CDCP1: variants seen among roughly 807,000 people sequenced by gnomAD.
CDCP1 encodes the protein CUB domain containing protein 1.
A neutral mutation model predicts 60.2 loss-of-function variants in CDCP1; 29 were observed. The ratio of observed to expected loss-of-function variants is 0.48; its 90% CI spans 0.36 to 0.66. CDCP1 has a LOEUF of 0.66. Among genes scored for constraint, CDCP1 ranks in the 30% least tolerant of loss-of-function variants. The pLI, the probability that CDCP1 is intolerant of heterozygous loss-of-function variation, is 0.00. For missense variants in CDCP1, 876 were observed against 1,074.3 expected, an observed-to-expected ratio of 0.82 and a Z score of 2.58; for synonymous variants, 387 against 431.1, an observed-to-expected ratio of 0.90 and a Z score of 1.27.
intron 1 of CDCP1, among the ~76,000 whole-genome samples, chr3:45,135,171 G>A (rs1259470632): frequency 6.8e-6 from 1 of 147,154 alleles, no homozygotes; most frequent in Non-Finnish European, 1.5e-5. Context: ...TCAATGTTGG[G>A]ACCAGCCAGT....
chr3:45,132,518 G>A (rs952083416), intron 1 of CDCP1, among the ~76,000 whole-genome samples: 1 of 152,174 alleles, frequency 6.6e-6, no homozygotes, highest in Admixed American at 6.5e-5. Flanking sequence ...GGCAGCAGGA[G>A]AGGAGGTTCT....
rs1559399079 is a variant in CDCP1, at chr3:45,126,518, C to T, written c.83-7897G>A. ...AACTGGTTTAGACACTCAAAATCCA[C>T]GTGTCATTGACTTGGCCGGGTCCAT... On this transcript the variant is annotated intron_variant, in intron 1 of 8. Transcript: ENST00000296129. 3.9e-5 allele frequency among the ~76,000 whole-genome samples: 6 copies of T among 152,212 alleles called. No homozygotes were observed. In the South Asian group the frequency reaches 8.3e-4, roughly 21 times the overall value.
chr3:45,124,089 G>A (rs576324975), intron 1 of CDCP1, among the ~76,000 whole-genome samples: 6 of 152,088 alleles, frequency 3.9e-5, no homozygotes, highest in Non-Finnish European at 8.8e-5. Flanking sequence ...CAGGGTTGGG[G>A]GAAGAATTTC....
In CDCP1 at chr3:45,084,945, G is replaced by A. The variant is rs1373288216; in HGVS notation, c.*693C>T. On this transcript the variant is annotated 3_prime_UTR_variant, in exon 9 of 9. Transcript: ENST00000296129. ...TTCCACAATGGGATAACCACGAACC[G>A]ACCTAGAGAATCAGGAAGTCTCTTA... The A allele has an allele frequency of 1.3e-5, 2 of 152,716 alleles. No homozygotes were observed. Among genetic ancestry groups the A allele is most frequent in the Non-Finnish European group, 1.5e-5 (1 of 68,028 alleles). 9.5% of individuals were successfully genotyped at this position (152,716 alleles called of 1,614,324 possible).
chr3:45,118,118 G>C (rs923682928), intron 2 of CDCP1, among the ~76,000 whole-genome samples: 6 of 152,222 alleles, frequency 3.9e-5, no homozygotes, highest in Admixed American at 1.3e-4. Context: ...AGACTTGAAA[G>C]CCACAGTACC....
chr3:45,138,052 T>C (rs757702349), intron 1 of CDCP1, among the ~76,000 whole-genome samples: 15 of 152,162 alleles, frequency 9.9e-5, no homozygotes, highest in South Asian at 2.1e-4. Context: ...GTCATGAAGA[T>C]AGCTGCAATC....
rs1233025856 is a variant in CDCP1 at position 45,085,003 on chromosome 3, A to G, written c.*635T>C. The G allele has an allele frequency of 2.0e-5, 3 of 152,672 alleles. No homozygotes were observed. Among genetic ancestry groups the G allele is most frequent in the Non-Finnish European group, 4.4e-5 (3 of 68,148 alleles). The allele number at this position is 152,672 out of a possible 1,614,324, so 9.5% of individuals were successfully genotyped here. A position where few individuals can be genotyped will look rare whatever the true frequency, so the allele number is the denominator to read the frequency against. ...AGATATGTGTCAATGCTGCTCAAAC[A>G]CACACATTCTTTTCTGGTTGGACAG... On this transcript the variant is annotated 3_prime_UTR_variant, in exon 9 of 9. Coordinates refer to ENST00000296129, the MANE Select transcript of CDCP1 (RefSeq NM_022842.5). This position sits in a 1 kb window ranked among gnomAD's most constrained non-coding sequence, Gnocchi z 4.2.
intron 1 of CDCP1, among the ~76,000 whole-genome samples, chr3:45,129,613 C>T (rs1699053611): frequency 6.6e-6 from 1 of 152,124 alleles, no homozygotes; most frequent in Non-Finnish European, 1.5e-5. Flanking sequence ...ACAAGGATGG[C>T]TGGAGAAAAA....
At chr3:45,105,406 G>C (rs1371776299) in intron 4 of CDCP1, among the ~76,000 whole-genome samples, 1 of 152,170 alleles carries the variant, frequency 6.6e-6, no homozygotes, top group East Asian at 1.9e-4. Flanking sequence ...GCTTCTGGAG[G>C]TTGTAAAAGC....
intron 2 of CDCP1, among the ~76,000 whole-genome samples, chr3:45,117,251 A>C (rs777213922): frequency 2.0e-4 from 31 of 152,114 alleles, no homozygotes; most frequent in Admixed American, 2.0e-3. Flanking sequence ...ATGTTTCCCT[A>C]CCTAATTATT....
intron 1 of CDCP1, among the ~76,000 whole-genome samples, chr3:45,121,956 G>A (rs1698893984): frequency 7.1e-6 from 1 of 140,344 alleles, no homozygotes; most frequent in Non-Finnish European, 1.6e-5. Flanking sequence ...TATTTTGGGG[G>A]AAGCCTAGGT....
rs1576070616 is a variant in CDCP1 at position 45,084,826 on chromosome 3, C to G, written c.*812G>C. 6.6e-6 allele frequency: 1 copy of G among 152,578 alleles called. No homozygotes were observed. The highest frequency in any genetic ancestry group is 1.5e-5 in the Non-Finnish European group (1 of 68,036). The allele number at this position is 152,578 out of a possible 1,614,324, so 9.5% of individuals were successfully genotyped here. On this transcript the variant is annotated 3_prime_UTR_variant, in exon 9 of 9. Coordinates refer to ENST00000296129, the MANE Select transcript of CDCP1 (RefSeq NM_022842.5). ...ATTCTCTAAATTTCTCTTTAAATGT[C>G]AAAGTATTGCTGCAGCTAGGAGAAC...
intron 4 of CDCP1, 124 bp downstream of exon 4, chr3:45,110,349 C>T (rs924984029): frequency 6.8e-7 from 1 of 1,465,262 alleles, no homozygotes; most frequent in African/African-American, 1.4e-5. Flanking sequence ...CTTGCTGGGT[C>T]CAGAGTCTAA....
rs1559772339 is a variant in CDCP1, at chr3:45,085,723, GAGA to G, written c.2423_2425del (p.Phe808del). ...GCTTACATCCCCATTGTTGGGATGGGAGAAGGTGTACGGTTCACTCTCAGACTC... is the reference window on the plus strand; with the variant it reads ...GCTTACATCCCCATTGTTGGGATGGGAGGTGTACGGTTCACTCTCAGACTC... On this transcript the variant is annotated inframe_deletion, in exon 9 of 9. Coordinates refer to ENST00000296129, the MANE Select transcript of CDCP1 (RefSeq NM_022842.5). This position sits in a 1 kb window ranked among gnomAD's most constrained non-coding sequence, Gnocchi z 4.2. 6.2e-7 allele frequency: 1 copy of G among 1,614,180 alleles called. No individual in the cohort carries two copies. The highest frequency in any genetic ancestry group is 1.1e-5 in the South Asian group (1 of 91,084).
At chr3:45,108,888 CAT>C (rs369846391) in intron 4 of CDCP1, among the ~76,000 whole-genome samples, 1,330 of 32,446 alleles carry the variant, frequency 0.041, 405 homozygotes, top group African/African-American at 0.13. Context: ...TGCATGTATA[CAT>C]ATATATATAT....
At position 45,125,297 on chromosome 3, in the gene CDCP1, G is replaced by C. The variant is rs552360823; in HGVS notation, c.83-6676C>G. Among the ~76,000 whole-genome samples the C allele has an allele frequency of 2.3e-3, 344 of 152,300 alleles. 1 individual carries two copies. The highest frequency in any genetic ancestry group is 4.3e-3 in the Non-Finnish European group (293 of 68,030). On this transcript the variant is annotated intron_variant, in intron 1 of 8. Transcript: ENST00000296129. ...AAAGGGCTTGGTTGTTGGCCACGGA[G>C]TTTGGGCTTCACCCACTGGGACCAG... is the stretch of plus-strand genomic sequence containing the variant.
chr3:45,086,710 AG>A (rs1333867670), intron 8 of CDCP1, among the ~76,000 whole-genome samples: 1 of 152,266 alleles, frequency 6.6e-6, no homozygotes, highest in Non-Finnish European at 1.5e-5. Flanking sequence ...TTCAGGCTGC[AG>A]TGCCAGAGTT....
At position 45,146,218 on chromosome 3, in the gene CDCP1, G is replaced by A. The variant is rs1249503976; in HGVS notation, c.70C>T (p.Pro24Ser). The change falls in exon 1 of 9, where the codon CCG (proline) becomes TCG (serine). Residue 24 changes from proline to serine, a missense_variant. Transcript: ENST00000296129. ...GVLLLGAARLPRGAEAFEIAL... is the reference protein window; with the variant it reads ...GVLLLGAARLSRGAEAFEIAL... ...GCCCGGCACTCACCTGCCCCGCGCGGCAGGCGCGCCGCACCCAGCAGCAGA... is the reference window on the plus strand; with the variant it reads ...GCCCGGCACTCACCTGCCCCGCGCGACAGGCGCGCCGCACCCAGCAGCAGA... 6.3e-6 allele frequency: 10 copies of A among 1,594,694 alleles called. No individual in the cohort carries two copies. The highest frequency in any genetic ancestry group is 1.7e-5 in the Admixed American group (1 of 58,526).
In CDCP1 at chr3:45,085,866, G is replaced by T. The variant is rs1698182315; in HGVS notation, c.2283C>A (p.Thr761=). 6.2e-7 allele frequency: 1 copy of T among 1,614,072 alleles called. No individual in the cohort carries two copies. Among genetic ancestry groups the T allele is most frequent in the Non-Finnish European group, 8.5e-7 (1 of 1,180,048 alleles). ...SGSFLQPEVD[T]YRPFQGTMGV... is the part of the protein sequence containing the mutation. ...CCATGGTGCCCTGGAACGGCCGGTA[G>T]GTGTCCACCTCTGGCTGCAGGAAGG... Residue 761 remains threonine (T), a synonymous_variant, in exon 9 of 9, where the codon ACC becomes ACA. Transcript: ENST00000296129. The surrounding 1 kb of genome is among the most constrained non-coding windows in gnomAD (Gnocchi z 4.2).
Sources: allele counts gnomAD v4.1 joint callset (sites outside exome capture counted in the v4.1 genomes callset), GRCh38; gene constraint gnomAD v4.1.1; non-coding constraint Gnocchi (gnomAD v3.1); transcripts MANE v1.5; gene names NCBI Gene and HGNC (gene_info 2026-07-23, HGNC 2026-07-21).